STK38: variants seen among roughly 807,000 people sequenced by gnomAD.
STK38 encodes the protein serine/threonine-protein kinase 38.
In STK38, 26 loss-of-function variants were observed where a neutral mutation model predicts 59.0. The ratio of observed to expected loss-of-function variants is 0.44; its 90% CI spans 0.32 to 0.61. The LOEUF (loss-of-function observed/expected upper bound fraction) is 0.61, where lower values mean the gene tolerates loss of function less well. Ranked by LOEUF, STK38 falls within the 20% of genes least tolerant of loss-of-function variation. The pLI is 0.04. For synonymous variants in STK38, 175 were observed against 176.6 expected (o/e 0.99, Z 0.07); for missense variants, 433 against 566.0 (o/e 0.76, Z 2.38).
chr6:36,498,588 T>C (rs932689802), intron 10 of STK38, 102 bp from the exon 11 acceptor site: 12 of 1,264,298 alleles, frequency 9.5e-6, no homozygotes, highest in Non-Finnish European at 1.3e-5. Flanking sequence ...TTTTCTTTTT[T>C]CTTTTTTTTT....
At chr6:36,534,672 T>G (rs76469212) in intron 2 of STK38, among the ~76,000 whole-genome samples, 1 of 151,768 alleles carries the variant, frequency 6.6e-6, no homozygotes, top group Admixed American at 6.6e-5. Flanking sequence ...AATAAAAAAA[T>G]TTTTTAACCC....
chr6:36,504,976 C>A (rs1158208949), intron 9 of STK38, among the ~76,000 whole-genome samples: 1 of 150,914 alleles, frequency 6.6e-6, no homozygotes, highest in Non-Finnish European at 1.5e-5. Flanking sequence ...AGATTCCTTA[C>A]CTTCTGTTTC....
At chr6:36,528,795 G>C (rs1227456051) in intron 2 of STK38, among the ~76,000 whole-genome samples, 1 of 152,170 alleles carries the variant, frequency 6.6e-6, no homozygotes, top group Non-Finnish European at 1.5e-5. Context: ...CTGACTACAC[G>C]TTTTTGAATG....
Position 36,494,696 on chromosome 6 carries a change from A to T in STK38, c.*1088T>A, listed in dbSNP as rs1257015531. On this transcript the variant is annotated 3_prime_UTR_variant, in exon 14 of 14. Transcript: ENST00000229812. ...GGCAAAATGGCTAAAGTTGGGAGAGAAGAAATACCAAGAGAGAAGACAAAA... is the reference window on the plus strand; with the variant it reads ...GGCAAAATGGCTAAAGTTGGGAGAGTAGAAATACCAAGAGAGAAGACAAAA... The T allele has an allele frequency of 2.0e-5, 3 of 152,694 alleles. No individual in the cohort carries two copies. Among genetic ancestry groups the T allele is most frequent in the Non-Finnish European group, 2.9e-5 (2 of 68,102 alleles). The allele number at this position is 152,694 out of a possible 1,614,324, so 9.5% of individuals were successfully genotyped here.
At chr6:36,533,649 C>A (rs1777722548) in intron 2 of STK38, among the ~76,000 whole-genome samples, 1 of 152,124 alleles carries the variant, frequency 6.6e-6, no homozygotes, top group Non-Finnish European at 1.5e-5. Context: ...CTTGTTCCTG[C>A]AGAACGTGAT....
intron 2 of STK38, among the ~76,000 whole-genome samples, chr6:36,536,626 T>C (rs932354577): frequency 1.3e-5 from 2 of 152,102 alleles, no homozygotes; most frequent in Non-Finnish European, 2.9e-5. Flanking sequence ...CTCCGCCTCC[T>C]GGGTTCAAGC....
At chr6:36,518,982 A>G (rs1777320777) in intron 5 of STK38, among the ~76,000 whole-genome samples, 1 of 152,154 alleles carries the variant, frequency 6.6e-6, no homozygotes, top group African/African-American at 2.4e-5. Flanking sequence ...TTTTATTGAC[A>G]TGTCTTTAGG....
chr6:36,505,289 C>T (rs1417936089), intron 9 of STK38, among the ~76,000 whole-genome samples: 1 of 152,190 alleles, frequency 6.6e-6, no homozygotes, highest in Non-Finnish European at 1.5e-5. Context: ...CCCTAATCCT[C>T]AACAAGATAA....
At position 36,525,141 on chromosome 6, in the gene STK38, G is replaced by T. The variant is rs149754295; in HGVS notation, c.183+450C>A. Among the ~76,000 whole-genome samples, 364 of 152,266 alleles carry T rather than the reference G, an allele frequency of 2.4e-3. 1 individual carries two copies. The highest frequency in any genetic ancestry group is 8.4e-3 in the African/African-American group (348 of 41,532). On this transcript the variant is annotated intron_variant, in intron 3 of 13. Transcript: ENST00000229812. ...TCATGCATGCGGAGCTTAAAACCTA[G>T]ATGACAGGTTGATAGGTGCAGCAAA...
chr6:36,539,545 C>T (rs923072195), intron 2 of STK38, among the ~76,000 whole-genome samples: 9 of 152,168 alleles, frequency 5.9e-5, no homozygotes, highest in Non-Finnish European at 1.2e-4. Flanking sequence ...TAATCCCCAA[C>T]ACAATCCTGC....
rs773412288 is a variant in STK38 at position 36,495,897 on chromosome 6, G to T, written c.1285C>A (p.Pro429Thr). The T allele has an allele frequency of 2.5e-6, 4 of 1,614,068 alleles. No individual in the cohort carries two copies. The South Asian group carries it at 3.3e-5, about 13-fold the overall frequency. ...TCTTTGTTCTTGTAGTCAGTCTCAGGATGATTACTTGTGGCCACTGGGAAA... is the reference window on the plus strand; with the variant it reads ...TCTTTGTTCTTGTAGTCAGTCTCAGTATGATTACTTGTGGCCACTGGGAAA... Reference protein sequence around the residue: ...LKPTVATSNHPETDYKNKDWV... With the variant: ...LKPTVATSNHTETDYKNKDWV... Residue 429 changes from proline to threonine, a missense_variant, in exon 14 of 14, where the codon CCT becomes ACT. Transcript: ENST00000229812.
intron 13 of STK38, 104 bp from the exon 14 acceptor site, chr6:36,496,018 G>A (rs994236856): frequency 5.5e-4 from 726 of 1,321,736 alleles, no homozygotes; most frequent in Non-Finnish European, 4.8e-4. Context: ...TTTCTATTTG[G>A]GAAAGCTTAT....
intron 2 of STK38, among the ~76,000 whole-genome samples, chr6:36,527,324 A>G (rs1364823573): frequency 7.2e-6 from 1 of 139,382 alleles, no homozygotes; most frequent in Non-Finnish European, 1.6e-5. Flanking sequence ...ATACACACAT[A>G]TATATACACA....
intron 2 of STK38, among the ~76,000 whole-genome samples, chr6:36,527,182 ACTCCGT>A (rs1284504942): frequency 5.6e-5 from 7 of 124,620 alleles, no homozygotes; most frequent in African/African-American, 2.0e-4. Flanking sequence ...ACAGAGCAAG[ACTCCGT>A]CTCAAAAAAA....
intron 7 of STK38, among the ~76,000 whole-genome samples, chr6:36,514,534 T>C (rs575253345): frequency 6.7e-6 from 1 of 148,686 alleles, no homozygotes; most frequent in African/African-American, 2.4e-5. Flanking sequence ...ACTTTACGGA[T>C]AAGAACAGTG....
intron 9 of STK38, 47 bp from the exon 10 acceptor site, chr6:36,500,037 G>A: frequency 6.8e-7 from 1 of 1,461,450 alleles, no homozygotes; most frequent in African/African-American, 1.4e-5. Flanking sequence ...GGCAGGAGGT[G>A]CCCAGAGTTC....
chr6:36,518,017 A>G (rs1194879527), intron 5 of STK38, among the ~76,000 whole-genome samples, 177 bp from the exon 6 acceptor site: 1 of 152,234 alleles, frequency 6.6e-6, no homozygotes, highest in African/African-American at 2.4e-5. Context: ...ACAACATTTG[A>G]CTTCAAGGTA....
At chr6:36,504,714 G>A (rs929352148) in intron 9 of STK38, among the ~76,000 whole-genome samples, 8 of 151,926 alleles carry the variant, frequency 5.3e-5, no homozygotes, top group African/African-American at 1.7e-4. Context: ...CTGCAAATAC[G>A]AAAATTGTGA....
chr6:36,525,653 C>G lies in STK38; in HGVS notation c.132-11G>C. 6.2e-7 allele frequency: 1 copy of G among 1,609,836 alleles called. No individual in the cohort carries two copies. The highest frequency in any genetic ancestry group is 8.5e-7 in the Non-Finnish European group (1 of 1,176,646). ...TCTAACTTCTTTTGTCTAAAACAAA[C>G]AAAAACAAAAGACATGAAATCACAT... On this transcript the variant is annotated splice_polypyrimidine_tract_variant and intron_variant, in intron 2 of 13. Transcript: ENST00000229812.
Sources: gnomAD v4.1 joint callset for allele counts (sites outside exome capture counted in the v4.1 genomes callset) on GRCh38, gnomAD v4.1.1 for gene constraint, MANE v1.5 for transcripts, NCBI Gene and HGNC (gene_info 2026-07-23, HGNC 2026-07-21) for gene names.